Variants in UBE2L3 observed in about 807,000 individuals in gnomAD.
UBE2L3 encodes the protein ubiquitin conjugating enzyme E2 L3, also known as ubiquitin-conjugating enzyme E2 L3.
UBE2L3 carries 1 observed loss-of-function variant against 17.8 expected under a neutral mutation model. The observed-to-expected ratio is 0.06, with a 90% CI of 0.02 to 0.27. The LOEUF is 0.27. Among genes scored for constraint, UBE2L3 ranks in the 10% least tolerant of loss-of-function variants. The pLI, the probability that UBE2L3 is intolerant of heterozygous loss-of-function variation, is 1.00. For missense variants in UBE2L3, 40 were observed against 192.6 expected (o/e 0.21, Z 4.69); for synonymous variants, 44 against 68.5 (o/e 0.64, Z 1.76).
At chr22:21,621,112 G>A (rs557314087) in intron 3 of UBE2L3, among the ~76,000 whole-genome samples, 2 of 152,234 alleles carry the variant, frequency 1.3e-5, no homozygotes, top group South Asian at 2.1e-4. Context: ...AGGCTGCAGT[G>A]AGCCAAGATG....
intron 1 of UBE2L3, among the ~76,000 whole-genome samples, chr22:21,587,464 C>G (rs1292872628): frequency 6.6e-6 from 1 of 152,222 alleles, no homozygotes; most frequent in Non-Finnish European, 1.5e-5. Flanking sequence ...CAGGTGTGAG[C>G]CACCGCGCCT....
intron 3 of UBE2L3, among the ~76,000 whole-genome samples, chr22:21,618,952 A>T (rs1462125476): frequency 1.3e-5 from 2 of 152,158 alleles, no homozygotes; most frequent in African/African-American, 2.4e-5. Context: ...TCAGAGAGTG[A>T]GGTGAAAACT....
chr22:21,570,445 G>A (rs928342740), intron 1 of UBE2L3, among the ~76,000 whole-genome samples: 1 of 152,164 alleles, frequency 6.6e-6, no homozygotes, highest in Non-Finnish European at 1.5e-5. Context: ...TATAAATGAG[G>A]ACATTGTGAG....
chr22:21,557,223 C>T (rs1926264955), intron 1 of UBE2L3, among the ~76,000 whole-genome samples: 1 of 152,160 alleles, frequency 6.6e-6, no homozygotes, highest in Non-Finnish European at 1.5e-5. Context: ...AAAATTTAGC[C>T]TGGCATGGTG....
Position 21,575,219 on chromosome 22 carries a change from A to C in UBE2L3, c.27+7448A>C, listed in dbSNP as rs148699887. Among the ~76,000 whole-genome samples, 1,357 of 147,178 alleles carry C rather than the reference A, an allele frequency of 9.2e-3. 27 individuals carry two copies. The highest frequency in any genetic ancestry group is 0.033 in the African/African-American group (1,295 of 39,570). On this transcript the variant is annotated intron_variant, in intron 1 of 3. Coordinates refer to ENST00000342192, the MANE Select transcript of UBE2L3 (RefSeq NM_003347.4). ...GGTTGCAGTGAGCCAAGATCATGCC[A>C]CTGCACTCTGGCCTGGGCAACAGAG...
At chr22:21,612,123 G>A (rs1275196339) in intron 3 of UBE2L3, among the ~76,000 whole-genome samples, 2 of 152,094 alleles carry the variant, frequency 1.3e-5, no homozygotes, top group Non-Finnish European at 2.9e-5. Context: ...AAAGCCTTGC[G>A]CAAGAAAAAT....
intron 3 of UBE2L3, among the ~76,000 whole-genome samples, chr22:21,619,722 C>T (rs190735054): frequency 2.8e-4 from 43 of 152,322 alleles, no homozygotes; most frequent in African/African-American, 8.7e-4. Context: ...GACAGAGTCT[C>T]GCTCTGTTGC....
At chr22:21,586,931 G>C (rs192896291) in intron 1 of UBE2L3, among the ~76,000 whole-genome samples, 1 of 146,542 alleles carries the variant, frequency 6.8e-6, no homozygotes, top group Admixed American at 7.0e-5. Context: ...CCAGGCTGGA[G>C]TTGGAGTACA....
At position 21,574,692 on chromosome 22, in the gene UBE2L3, C is replaced by T. The variant is rs138029664; in HGVS notation, c.27+6921C>T. ...TTAAAAATGTTGGCTGGGGGCCAGG[C>T]GCGGTGGCTCATGCCTGTAATCCTA... is the stretch of plus-strand genomic sequence containing the variant. On this transcript the variant is annotated intron_variant, in intron 1 of 3. Transcript: ENST00000342192. Among the ~76,000 whole-genome samples, 41 of 152,292 alleles carry T rather than the reference C, an allele frequency of 2.7e-4. No individual in the cohort carries two copies. The East Asian group carries it at 3.3e-3, about 12-fold the overall frequency.
intron 3 of UBE2L3, among the ~76,000 whole-genome samples, chr22:21,613,827 G>T (rs1008550611): frequency 2.0e-5 from 3 of 152,172 alleles, no homozygotes; most frequent in Non-Finnish European, 4.4e-5. Context: ...ATTAGCTAAG[G>T]CACTTCGGTT....
intron 1 of UBE2L3, chr22:21,568,232 C>G (rs929235787): frequency 1.0e-6 from 1 of 988,366 alleles, no homozygotes; most frequent in Non-Finnish European, 1.2e-6. Flanking sequence ...TTGGCCCGGC[C>G]GCAGCTCGGG....
rs573276576 is a variant in UBE2L3, at chr22:21,609,040, G to A, written c.124-1817G>A. 6.6e-5 allele frequency among the ~76,000 whole-genome samples: 10 copies of A among 151,930 alleles called. No homozygotes were observed. The South Asian group carries it at 1.0e-3, about 16-fold the overall frequency. ...CTCCTGAGTAGCTGGGACTACAGGC[G>A]CCCACCACCACGTCCAGCTAATTTT... On this transcript the variant is annotated intron_variant, in intron 2 of 3. Transcript: ENST00000342192.
intron 1 of UBE2L3, 26 bp downstream of exon 1, chr22:21,567,797 CGGGCGT>C (rs1568968810): frequency 1.3e-6 from 2 of 1,573,664 alleles, no homozygotes; most frequent in South Asian, 2.3e-5. Flanking sequence ...TGGCAGCGGC[CGGGCGT>C]GGGGCGGCGT....
intron 1 of UBE2L3, among the ~76,000 whole-genome samples, chr22:21,591,055 G>A (rs559964587): frequency 6.6e-6 from 1 of 152,256 alleles, no homozygotes; most frequent in African/African-American, 2.4e-5. Flanking sequence ...AATCCCCAGG[G>A]GAGCATTTCT....
chr22:21,608,357 C>T (rs1385728554), intron 2 of UBE2L3, among the ~76,000 whole-genome samples: 1 of 152,152 alleles, frequency 6.6e-6, no homozygotes, highest in Non-Finnish European at 1.5e-5. Flanking sequence ...CTAAGAAGTC[C>T]ACCCTTCTTA....
chr22:21,601,832 C>T (rs143817484), intron 2 of UBE2L3, among the ~76,000 whole-genome samples: 2,409 of 151,656 alleles, frequency 0.016, 71 homozygotes, highest in African/African-American at 0.056. Context: ...ATTAGCCGGG[C>T]GTGGTGGTGG....
At chr22:21,583,650 C>CA (rs1927764778) in intron 1 of UBE2L3, among the ~76,000 whole-genome samples, 1 of 152,176 alleles carries the variant, frequency 6.6e-6, no homozygotes, top group Admixed American at 6.6e-5. Flanking sequence ...TTCTTTCTGA[C>CA]AGCCCTGGCC....
At chr22:21,617,849 A>C (rs977365268) in intron 3 of UBE2L3, among the ~76,000 whole-genome samples, 2 of 152,198 alleles carry the variant, frequency 1.3e-5, no homozygotes, top group Non-Finnish European at 2.9e-5. Context: ...CAGCGAAAGA[A>C]TGAAATACTT....
upstream of UBE2L3, among the ~76,000 whole-genome samples, chr22:21,565,652 C>T (rs1475759458): frequency 2.1e-5 from 3 of 140,268 alleles, no homozygotes; most frequent in Admixed American, 2.3e-4. Flanking sequence ...ACTCAGGAGG[C>T]TGAGGCAGGA....
Sources: gnomAD v4.1 joint callset for allele counts (sites outside exome capture counted in the v4.1 genomes callset) on GRCh38, gnomAD v4.1.1 for gene constraint, MANE v1.5 for transcripts, NCBI Gene and HGNC (gene_info 2026-07-23, HGNC 2026-07-21) for gene names.